Variants in MCM9 observed in about 807,000 individuals in gnomAD.
The protein encoded by MCM9 is minichromosome maintenance 9 homologous recombination repair factor.
In MCM9, 55 loss-of-function variants were observed where a neutral mutation model predicts 72.8. The observed-to-expected ratio is 0.76, with a 90% CI of 0.61 to 0.95. The LOEUF (loss-of-function observed/expected upper bound fraction) is 0.95. Ranked by LOEUF, MCM9 falls within the 40% of genes least tolerant of loss-of-function variation. MCM9 has a pLI of 0.00. For missense variants in MCM9, 1,279 were observed against 1,377.0 expected (o/e 0.93, Z 1.13); for synonymous variants, 480 against 503.4 (o/e 0.95, Z 0.62).
intron 3 of MCM9, among the ~76,000 whole-genome samples, chr6:118,926,170 G>A (rs1024901089): frequency 1.4e-4 from 21 of 152,052 alleles, no homozygotes; most frequent in African/African-American, 3.6e-4. Context: ...AATTTCACAC[G>A]TAGATGCTCC....
At position 118,840,894 on chromosome 6, in the gene MCM9, T is replaced by C. The variant is rs368813518; in HGVS notation, c.1326-11644A>G. Among the ~76,000 whole-genome samples the C allele has an allele frequency of 1.9e-4, 29 of 152,132 alleles. No homozygotes were observed. In the East Asian group the frequency reaches 2.5e-3, roughly 13 times the overall value. On this transcript the variant is annotated intron_variant, in intron 9 of 13. Coordinates refer to ENST00000619706, the MANE Select transcript of MCM9 (RefSeq NM_017696.3). ...CTGAGACTACAGGCATGAGCTACCA[T>C]GCCTGGATAATTGTACTTTCTGTAG...
intron 8 of MCM9, among the ~76,000 whole-genome samples, chr6:118,906,559 T>C (rs1780191458): frequency 6.6e-6 from 1 of 152,232 alleles, no homozygotes; most frequent in Non-Finnish European, 1.5e-5. Context: ...AGTTTTATGT[T>C]TGTTTTTCCT....
chr6:118,923,798 T>C lies in MCM9; in HGVS notation c.621+13A>G, dbSNP rs1353538686. On this transcript the variant is annotated intron_variant, in intron 4 of 13. Transcript: ENST00000619706. Reference sequence around the variant, plus strand: ...TCTTCAAATTTATTTATCTCGTTTATGTGATTATTTACCTGTTCCTGAATT... The same window carrying C: ...TCTTCAAATTTATTTATCTCGTTTACGTGATTATTTACCTGTTCCTGAATT... 3.1e-6 allele frequency: 5 copies of C among 1,607,688 alleles called. No homozygotes were observed. Among genetic ancestry groups the C allele is most frequent in the Non-Finnish European group, 4.3e-6 (5 of 1,174,778 alleles).
intron 8 of MCM9, among the ~76,000 whole-genome samples, chr6:118,858,971 A>G (rs1200904358): frequency 6.6e-6 from 1 of 152,216 alleles, no homozygotes; most frequent in East Asian, 1.9e-4. Context: ...AGGAGATAGA[A>G]GAGCCAAACC....
chr6:118,903,101 T>G (rs535802288), intron 8 of MCM9, among the ~76,000 whole-genome samples: 2 of 151,812 alleles, frequency 1.3e-5, no homozygotes, highest in South Asian at 4.1e-4. Flanking sequence ...ATGTTTTATA[T>G]TTACAACAGA....
chr6:118,853,643 T>G (rs570911585), intron 9 of MCM9, among the ~76,000 whole-genome samples: 40 of 151,984 alleles, frequency 2.6e-4, no homozygotes, highest in Admixed American at 3.9e-4. Flanking sequence ...CTACAGAAAA[T>G]AAAATTTAAA....
intron 8 of MCM9, among the ~76,000 whole-genome samples, chr6:118,899,055 G>T (rs1779625820): frequency 6.6e-6 from 1 of 152,124 alleles, no homozygotes; most frequent in Non-Finnish European, 1.5e-5. Flanking sequence ...AGTGGCTCCT[G>T]CTGCTTTCAT....
chr6:118,916,500 C>T (rs1780976221), intron 6 of MCM9, among the ~76,000 whole-genome samples: 1 of 149,702 alleles, frequency 6.7e-6, no homozygotes, highest in African/African-American at 2.4e-5. Context: ...ACTCTGTCGC[C>T]CAGGCTGGTC....
At chr6:118,925,036 C>T (rs1781773714) in intron 3 of MCM9, among the ~76,000 whole-genome samples, 1 of 149,764 alleles carries the variant, frequency 6.7e-6, no homozygotes, top group African/African-American at 2.5e-5. Context: ...AGAGGAAGAC[C>T]CTGTCCAAAA....
intron 8 of MCM9, chr6:118,905,797 A>G: frequency 6.2e-7 from 1 of 1,607,748 alleles, no homozygotes; most frequent in Non-Finnish European, 8.5e-7. Flanking sequence ...GAATTAAGGG[A>G]AAATCCACCA....
At chr6:118,852,136 A>C (rs1776269675) in intron 9 of MCM9, among the ~76,000 whole-genome samples, 1 of 152,178 alleles carries the variant, frequency 6.6e-6, no homozygotes, top group South Asian at 2.1e-4. Flanking sequence ...TACCATAGGC[A>C]ACTGTAACAC....
chr6:118,868,675 T>C (rs1022463871), intron 8 of MCM9, among the ~76,000 whole-genome samples: 1 of 152,222 alleles, frequency 6.6e-6, no homozygotes, highest in Non-Finnish European at 1.5e-5. Flanking sequence ...ATGCTCATCA[T>C]CACTGGTCAT....
chr6:118,908,616 C>G (rs1005117702), intron 8 of MCM9: 3 of 152,088 alleles, frequency 2.0e-5, no homozygotes, highest in Admixed American at 6.6e-5. Flanking sequence ...AGAATGAGAT[C>G]AGGCATATTT....
At chr6:118,891,350 T>C (rs36168346) in intron 8 of MCM9, among the ~76,000 whole-genome samples, 51 of 152,326 alleles carry the variant, frequency 3.3e-4, no homozygotes, top group African/African-American at 1.2e-3. Flanking sequence ...AGCTTAATTC[T>C]GAGGGGAAAA....
In MCM9 at chr6:118,917,649, A is replaced by G; in HGVS notation, c.816T>C (p.Asn272=). 6.2e-7 allele frequency: 1 copy of G among 1,614,178 alleles called. No individual in the cohort carries two copies. Among genetic ancestry groups the G allele is most frequent in the Non-Finnish European group, 8.5e-7 (1 of 1,180,022 alleles). The change falls in exon 6 of 14, where the codon AAT becomes AAC. Residue 272 remains asparagine (N), a synonymous_variant. Coordinates refer to ENST00000619706, the MANE Select transcript of MCM9 (RefSeq NM_017696.3). The part of the protein sequence containing the change: ...VLKANYIQVN[N]EQSSGIIMDE... ...CCATGATGATCCCTGAGGACTGCTC[A>G]TTATTTACTTGGATGTAATTTGCTT...
intron 8 of MCM9, among the ~76,000 whole-genome samples, chr6:118,868,441 G>C (rs139934258): frequency 6.6e-6 from 1 of 152,130 alleles, no homozygotes; most frequent in Admixed American, 6.5e-5. Flanking sequence ...AAACTAAAGA[G>C]CTTCTGCGTG....
intron 3 of MCM9, among the ~76,000 whole-genome samples, chr6:118,926,483 CAT>C (rs1366239691): frequency 2.6e-5 from 4 of 152,174 alleles, no homozygotes; most frequent in Non-Finnish European, 5.9e-5. Context: ...TTCGCATACT[CAT>C]AAAGTCAAAA....
At chr6:118,858,935 A>G (rs1036489592) in intron 8 of MCM9, among the ~76,000 whole-genome samples, 2 of 152,218 alleles carry the variant, frequency 1.3e-5, no homozygotes, top group Non-Finnish European at 2.9e-5. Context: ...TGACAAGGTG[A>G]TTCTATGATT....
chr6:118,872,702 G>T (rs776372492), intron 8 of MCM9, among the ~76,000 whole-genome samples: 7 of 152,010 alleles, frequency 4.6e-5, no homozygotes, highest in Middle Eastern at 3.2e-3. Context: ...AAAGTTGTAG[G>T]ATACAGCAAA....
Sources: allele counts gnomAD v4.1 joint callset (sites outside exome capture counted in the v4.1 genomes callset), GRCh38; gene constraint gnomAD v4.1.1; transcripts MANE v1.5; gene names NCBI Gene and HGNC (gene_info 2026-07-23, HGNC 2026-07-21).